The following TMTC2 variants were observed in gnomAD, a reference collection of about 807,000 sequenced individuals.
TMTC2 encodes the protein protein O-mannosyl-transferase TMTC2.
A neutral mutation model predicts 82.4 loss-of-function variants in TMTC2; 43 were observed. That is an observed-to-expected ratio of 0.52 (90% CI 0.41 to 0.67). The LOEUF is 0.67. TMTC2 is among the 30% of genes least tolerant of loss of function. The probability of loss-of-function intolerance (pLI) is 0.00; values close to 1 mark genes in which losing one functional copy is unlikely to be tolerated. For synonymous variants in TMTC2, 408 were observed against 381.9 expected, an observed-to-expected ratio of 1.07 and a Z score of -0.80; for missense variants, 919 against 1,012.4, an observed-to-expected ratio of 0.91 and a Z score of 1.25.
rs1441299288 is a variant in TMTC2 at position 82,818,779 on chromosome 12, T to G, written c.84-38231T>G. On this transcript the variant is annotated intron_variant, in intron 1 of 11. Transcript: ENST00000321196. ...TTTTATGTTGACATGGGGCTTGTTC[T>G]GGAAACAGATCTGTTTTGAACCTTA... is the stretch of plus-strand genomic sequence containing the variant. Among the ~76,000 whole-genome samples, 7 of 152,292 alleles carry G rather than the reference T, an allele frequency of 4.6e-5. No individual in the cohort carries two copies. In the East Asian group the frequency reaches 1.3e-3, roughly 29 times the overall value.
At chr12:82,795,359 C>A (rs1329239177) in intron 1 of TMTC2, among the ~76,000 whole-genome samples, 1 of 151,260 alleles carries the variant, frequency 6.6e-6, no homozygotes, top group African/African-American at 2.4e-5. Flanking sequence ...GGTAAGACAG[C>A]CTGTATATTC....
chr12:82,753,250 C>T (rs766736710), intron 1 of TMTC2, among the ~76,000 whole-genome samples: 4 of 151,316 alleles, frequency 2.6e-5, no homozygotes, highest in South Asian at 2.1e-4. Context: ...ATTTTATAGA[C>T]GTATATAAGG....
chr12:82,792,934 A>C (rs571593771), intron 1 of TMTC2, among the ~76,000 whole-genome samples: 2 of 152,280 alleles, frequency 1.3e-5, no homozygotes, highest in East Asian at 3.9e-4. Flanking sequence ...GATCTAAATC[A>C]GACCACAAAA....
intron 1 of TMTC2, among the ~76,000 whole-genome samples, chr12:82,830,315 G>T (rs774464813): frequency 6.6e-6 from 1 of 151,660 alleles, no homozygotes; most frequent in African/African-American, 2.4e-5. Context: ...ATTGATCCTC[G>T]AACAAATCCT....
At chr12:82,952,789 T>C (rs1389210521) in intron 4 of TMTC2, among the ~76,000 whole-genome samples, 1 of 152,108 alleles carries the variant, frequency 6.6e-6, no homozygotes, top group Admixed American at 6.6e-5. Context: ...GCCAGGCTGG[T>C]CTCGAACTCC....
intron 1 of TMTC2, among the ~76,000 whole-genome samples, chr12:82,814,135 AGCTAGCATTAGATT>A (rs1472406887): frequency 6.6e-6 from 1 of 152,166 alleles, no homozygotes; most frequent in Non-Finnish European, 1.5e-5. Context: ...TGGATGGCAG[AGCTAGCATTAGATT>A]CCAGTTAATC....
At chr12:82,993,200 G>A (rs140868864) in intron 8 of TMTC2, among the ~76,000 whole-genome samples, 1 of 152,062 alleles carries the variant, frequency 6.6e-6, no homozygotes, top group African/African-American at 2.4e-5. Flanking sequence ...GCCCAGGCTG[G>A]TCTCGAACTC....
intron 3 of TMTC2, among the ~76,000 whole-genome samples, chr12:82,901,296 A>T (rs1352814457): frequency 1.6e-5 from 2 of 123,928 alleles, no homozygotes; most frequent in African/African-American, 7.1e-5. Flanking sequence ...ATATATATAT[A>T]TATATTTTTT....
chr12:82,714,863 G>C (rs1219743974), intron 1 of TMTC2, among the ~76,000 whole-genome samples: 1 of 152,114 alleles, frequency 6.6e-6, no homozygotes, highest in Non-Finnish European at 1.5e-5. Flanking sequence ...TTGGCTCATG[G>C]GACTTGAACA....
intron 1 of TMTC2, among the ~76,000 whole-genome samples, chr12:82,722,752 ATAAC>A (rs1053119838): frequency 1.3e-5 from 2 of 152,054 alleles, no homozygotes; most frequent in Admixed American, 1.3e-4. Flanking sequence ...AACAACAACA[ATAAC>A]AAAATAAATA....
rs555658718 is a variant in TMTC2 at position 83,009,054 on chromosome 12, C to A, written c.2071-21744C>A. ...ATGGGCCTGTGTCTGTGTCCTGTGA[C>A]CTTCATGAGTTATTCTACTTGTGTA... On this transcript the variant is annotated intron_variant, in intron 8 of 11. Transcript: ENST00000321196. Among the ~76,000 whole-genome samples, 3 of 152,230 alleles carry A rather than the reference C, an allele frequency of 2.0e-5. No individual in the cohort carries two copies. The South Asian group carries it at 6.2e-4, about 32-fold the overall frequency.
At chr12:82,937,750 G>GTATA (rs1162321741) in intron 4 of TMTC2, among the ~76,000 whole-genome samples, 15 of 106,044 alleles carry the variant, frequency 1.4e-4, no homozygotes, top group South Asian at 5.6e-4. Flanking sequence ...GTGTGTGTGT[G>GTATA]TATATATATA....
Position 82,958,371 on chromosome 12 carries a change from CAAA to C in TMTC2, c.1599-6647_1599-6645del, listed in dbSNP as rs920765326. On this transcript the variant is annotated intron_variant, in intron 4 of 11. Coordinates refer to ENST00000321196, the MANE Select transcript of TMTC2 (RefSeq NM_152588.3). ...GTCTGTCTCAAAAAAAAAAAAAAAA[CAAA>C]AAAAACAAAAAAACTACTGACCAAT... is the stretch of plus-strand genomic sequence containing the variant. Among the ~76,000 whole-genome samples the C allele has an allele frequency of 5.3e-4, 10 of 18,926 alleles. 1 individual carries two copies. The highest frequency in any genetic ancestry group is 1.9e-3 in the Admixed American group (2 of 1,078). 12.4% of individuals were successfully genotyped at this position (18,926 alleles called of 152,430 possible). A position where few individuals can be genotyped will look rare whatever the true frequency, so the allele number is the denominator to read the frequency against.
At chr12:83,045,600 T>A (rs907982459) in intron 9 of TMTC2, among the ~76,000 whole-genome samples, 1 of 152,094 alleles carries the variant, frequency 6.6e-6, no homozygotes, top group African/African-American at 2.4e-5. Context: ...TTTATATACA[T>A]GTATCTATCT....
intron 1 of TMTC2, among the ~76,000 whole-genome samples, chr12:82,735,572 C>G (rs538957792): frequency 6.6e-6 from 1 of 151,906 alleles, no homozygotes; most frequent in Non-Finnish European, 1.5e-5. Flanking sequence ...GTCTCGATCT[C>G]CTGACCTTGT....
chr12:82,934,330 TCAAC>T (rs1306592573), intron 4 of TMTC2, among the ~76,000 whole-genome samples: 1 of 152,148 alleles, frequency 6.6e-6, no homozygotes, highest in Non-Finnish European at 1.5e-5. Flanking sequence ...GCTGCACCCA[TCAAC>T]CCGTCATCTA....
rs9788273 is a variant in TMTC2 at position 82,880,948 on chromosome 12, T to C, written c.655-14870T>C. On this transcript the variant is annotated intron_variant, in intron 2 of 11. Coordinates refer to ENST00000321196, the MANE Select transcript of TMTC2 (RefSeq NM_152588.3). ...GAGCTATGTCAGGCTGAAAGAATTATCCAAGTGTGTTTTGAAGACTCATGA... is the reference window on the plus strand; with the variant it reads ...GAGCTATGTCAGGCTGAAAGAATTACCCAAGTGTGTTTTGAAGACTCATGA... 8.5e-3 allele frequency among the ~76,000 whole-genome samples: 1,291 copies of C among 152,296 alleles called. 40 individuals are homozygous for C. The East Asian group carries it at 0.11, about 12-fold the overall frequency.
At chr12:83,026,258 T>C (rs1881171571) in intron 8 of TMTC2, among the ~76,000 whole-genome samples, 1 of 152,050 alleles carries the variant, frequency 6.6e-6, no homozygotes, top group Non-Finnish European at 1.5e-5. Context: ...AGACGAAATA[T>C]TAGAGCAGAA....
At chr12:82,717,567 GTCTTA>G (rs1340438148) in intron 1 of TMTC2, among the ~76,000 whole-genome samples, 2 of 152,006 alleles carry the variant, frequency 1.3e-5, no homozygotes, top group South Asian at 2.1e-4. Flanking sequence ...TACTGTAAGC[GTCTTA>G]TCTTAGGCAC....
Sources: gnomAD v4.1 joint callset for allele counts (sites outside exome capture counted in the v4.1 genomes callset) on GRCh38, gnomAD v4.1.1 for gene constraint, MANE v1.5 for transcripts, NCBI Gene and HGNC (gene_info 2026-07-23, HGNC 2026-07-21) for gene names.